The following MYH14 variants were observed in gnomAD, a reference collection of about 807,000 sequenced individuals.
The protein encoded by MYH14 is myosin heavy chain 14.
In MYH14, 123 loss-of-function variants were observed where a neutral mutation model predicts 255.5. The observed-to-expected ratio is 0.48, with a 90% confidence interval of 0.42 to 0.56. MYH14 has a LOEUF of 0.56. Among genes scored for constraint, MYH14 ranks in the 20% least tolerant of loss-of-function variants. The probability of loss-of-function intolerance (pLI) is 0.00; values close to 1 mark genes in which losing one functional copy is unlikely to be tolerated. For missense variants in MYH14, 2,423 were observed against 2,802.3 expected (o/e 0.86, Z 3.06); for synonymous variants, 1,095 against 1,161.2 (o/e 0.94, Z 1.16).
At chr19:50,244,074 G>T (rs1038111938) in intron 10 of MYH14, among the ~76,000 whole-genome samples, 168 bp from the exon 11 acceptor site, 10 of 151,850 alleles carry the variant, frequency 6.6e-5, no homozygotes, top group Non-Finnish European at 1.5e-4. Flanking sequence ...CTCCCAGAGT[G>T]CTGGGATTAC....
At chr19:50,257,998 AGGGCT>A (rs1053234608) in intron 18 of MYH14, among the ~76,000 whole-genome samples, 1 of 152,198 alleles carries the variant, frequency 6.6e-6, no homozygotes, top group African/African-American at 2.4e-5. Flanking sequence ...GAAGGCCATC[AGGGCT>A]GGGCTTGTTG....
chr19:50,260,484 G>T (rs538022505), intron 19 of MYH14, among the ~76,000 whole-genome samples, 162 bp from the exon 20 acceptor site: 1 of 152,272 alleles, frequency 6.6e-6, no homozygotes, highest in African/African-American at 2.4e-5. Context: ...GCTGTCCTTG[G>T]TGGTGGCGTG....
chr19:50,232,125 G>A (rs753664893), intron 10 of MYH14, 55 bp downstream of exon 10: 48 of 1,597,338 alleles, frequency 3.0e-5, no homozygotes, highest in African/African-American at 2.1e-4. Context: ...GAGAGCTGGG[G>A]ACCTGGCCAT....
chr19:50,224,567 A>C (rs1175165319), intron 6 of MYH14, among the ~76,000 whole-genome samples: 2 of 152,150 alleles, frequency 1.3e-5, no homozygotes, highest in Non-Finnish European at 2.9e-5. Context: ...GCATCCACCT[A>C]GCTAGATCAT....
chr19:50,302,222 TGCA>T (rs1265422725), intron 40 of MYH14, among the ~76,000 whole-genome samples: 1 of 149,434 alleles, frequency 6.7e-6, no homozygotes, highest in Non-Finnish European at 1.5e-5. Flanking sequence ...AGTTTGAGGC[TGCA>T]GTGAGCTGTG....
rs2036804702 is a variant in MYH14, at chr19:50,309,986, C to T, written c.*196C>T. On this transcript the variant is annotated 3_prime_UTR_variant, in exon 43 of 43. Coordinates refer to ENST00000642316, the MANE Select transcript of MYH14 (RefSeq NM_001145809.2). ...AGGATGACCCCTAAACACAGAGGAG[C>T]GGGGCAGGCAGGGAGGCAATGACTG... 2 of 679,208 alleles carry T rather than the reference C, an allele frequency of 2.9e-6. No homozygotes were observed. The highest frequency in any genetic ancestry group is 1.8e-5 in the African/African-American group (1 of 54,874). The allele number at this position is 679,208 out of a possible 1,614,324, so 42.1% of individuals were successfully genotyped here. A position where few individuals can be genotyped will look rare whatever the true frequency, so the allele number is the denominator to read the frequency against.
At chr19:50,206,930 G>A (rs1252124879) in intron 1 of MYH14, among the ~76,000 whole-genome samples, 1 of 151,568 alleles carries the variant, frequency 6.6e-6, no homozygotes, top group Non-Finnish European at 1.5e-5. Flanking sequence ...GATGAGAGTA[G>A]GGGCCGGGCG....
At chr19:50,246,626 C>CAAAAT (rs2034136141) in intron 11 of MYH14, among the ~76,000 whole-genome samples, 1 of 50,488 alleles carries the variant, frequency 2.0e-5, no homozygotes, top group African/African-American at 5.3e-5. Flanking sequence ...CTGTCTCAAA[C>CAAAAT]AAAACAAAAC....
In MYH14 at chr19:50,280,426, C is replaced by T; in HGVS notation, c.4290+43C>T. 1 of 1,478,098 alleles carries T rather than the reference C, an allele frequency of 6.8e-7. No individual in the cohort carries two copies. The allele number at this position is 1,478,098 out of a possible 1,614,324, so 91.6% of individuals were successfully genotyped here. On this transcript the variant is annotated intron_variant, in intron 32 of 42. Transcript: ENST00000642316. This position sits in a 1 kb window ranked among gnomAD's most constrained non-coding sequence, Gnocchi z 4.8. Reference sequence around the variant, plus strand: ...AGACCTTCAGGGAGGCACAGCCCCCCTCACTGCTCCTCCTGGGTTCCCCAG... The same window carrying T: ...AGACCTTCAGGGAGGCACAGCCCCCTTCACTGCTCCTCCTGGGTTCCCCAG...
intron 8 of MYH14, among the ~76,000 whole-genome samples, chr19:50,229,124 C>T (rs937261335): frequency 5.9e-5 from 9 of 152,150 alleles, no homozygotes; most frequent in Non-Finnish European, 1.0e-4. Context: ...CCCCAGGGTT[C>T]GACAGCCTGC....
chr19:50,220,095 C>T (rs570305433), intron 3 of MYH14, among the ~76,000 whole-genome samples: 3 of 152,104 alleles, frequency 2.0e-5, no homozygotes, highest in African/African-American at 4.8e-5. Flanking sequence ...TAGTACACAA[C>T]ATTCAGACCC....
intron 20 of MYH14, 38 bp downstream of exon 20, chr19:50,260,753 GTGTGTGTGCGTGCA>G: frequency 1.4e-6 from 2 of 1,457,014 alleles, no homozygotes; most frequent in Non-Finnish European, 1.9e-6. Flanking sequence ...GTGTGCGTGT[GTGTGTGTGCGTGCA>G]TGAGTGTGCG....
At chr19:50,245,147 AC>A (rs1412547371) in intron 11 of MYH14, among the ~76,000 whole-genome samples, 1 of 151,932 alleles carries the variant, frequency 6.6e-6, no homozygotes, top group African/African-American at 2.4e-5. Context: ...AGAGAAAATT[AC>A]CCATAATCAC....
At chr19:50,296,417 G>A (rs558942833) in intron 39 of MYH14, among the ~76,000 whole-genome samples, 1 of 151,796 alleles carries the variant, frequency 6.6e-6, no homozygotes, top group East Asian at 1.9e-4. Context: ...AGACCAGCCT[G>A]AGCAACCCAG....
chr19:50,248,516 C>A (rs186185373), intron 12 of MYH14, among the ~76,000 whole-genome samples: 218 of 152,280 alleles, frequency 1.4e-3, no homozygotes, highest in African/African-American at 4.7e-3. Context: ...TGGATGAAGA[C>A]CCCGTGGGGG....
chr19:50,240,764 T>G (rs907280803), intron 10 of MYH14, among the ~76,000 whole-genome samples: 3 of 151,744 alleles, frequency 2.0e-5, no homozygotes, highest in Admixed American at 1.3e-4. Flanking sequence ...GAATGAGATC[T>G]CATCTCTATT....
At chr19:50,239,581 ACT>A (rs1453767307) in intron 10 of MYH14, among the ~76,000 whole-genome samples, 2 of 151,512 alleles carry the variant, frequency 1.3e-5, no homozygotes, top group African/African-American at 4.9e-5. Flanking sequence ...ACAGTGTCTC[ACT>A]CTGTCACCCA....
chr19:50,268,363 T>G lies in MYH14; in HGVS notation c.3029T>G (p.Ile1010Arg). 1.3e-6 allele frequency: 2 copies of G among 1,566,568 alleles called. No individual in the cohort carries two copies. Among genetic ancestry groups the G allele is most frequent in the Non-Finnish European group, 1.7e-6 (2 of 1,157,002 alleles). The stretch of plus-strand genomic sequence containing the variant: ...GAGAAGAAGAGGCTGCAGCAGCACA[T>G]ACAGGTCTGGCCCCTTGCATGCCCA... Reference protein sequence around the residue: ...QTEKKRLQQHIQELEAHLEAE... With the variant: ...QTEKKRLQQHRQELEAHLEAE... Residue 1010 changes from isoleucine to arginine, a missense_variant, in exon 24 of 43, where the codon ATA becomes AGA. Physicochemically the swap from Ile to Arg is moderately conservative, Grantham distance 97. Around this residue, in one of 3 missense-constraint regions of MYH14, gnomAD observed 1,513 missense variants for 1,674.8 expected, o/e 0.90. Transcript: ENST00000642316.
chr19:50,309,024 G>A lies in MYH14; in HGVS notation c.5807G>A (p.Arg1936Gln), dbSNP rs780193307. 8 of 1,612,728 alleles carry A rather than the reference G, an allele frequency of 5.0e-6. No homozygotes were observed. The highest frequency in any genetic ancestry group is 2.7e-5 in the African/African-American group (2 of 74,892). Reference sequence around the variant, plus strand: ...ATCAAGCTGGAGAAGGGAAACCTTCGAGTCAAGCAGCTGAAGCGGCAGCTG... The same window carrying A: ...ATCAAGCTGGAGAAGGGAAACCTTCAAGTCAAGCAGCTGAAGCGGCAGCTG... Reference protein sequence around the residue: ...LRDQLEKGNLRVKQLKRQLEE... With the variant: ...LRDQLEKGNLQVKQLKRQLEE... The change falls in exon 42 of 43, where the codon CGA becomes CAA. Residue 1936 changes from arginine (R) to glutamine (Q), a missense_variant. Arg to Gln is a conservative substitution (Grantham distance 43). Transcript: ENST00000642316.
Sources: gnomAD v4.1 joint callset for allele counts (sites outside exome capture counted in the v4.1 genomes callset) on GRCh38, gnomAD v4.1.1 for gene constraint, gnomAD v4.1.1 regional missense constraint, Gnocchi (gnomAD v3.1) non-coding constraint, MANE v1.5 for transcripts, NCBI Gene and HGNC (gene_info 2026-07-23, HGNC 2026-07-21) for gene names.